JAM3: variants seen among roughly 807,000 people sequenced by gnomAD.
JAM3 encodes junctional adhesion molecule C.
Under a neutral mutation model 39.4 loss-of-function variants are expected in JAM3, and 31 were observed. That is an observed-to-expected ratio of 0.79 (90% CI 0.59 to 1.06). The LOEUF is 1.06. JAM3 is among the 50% of genes least tolerant of loss of function. JAM3 has a pLI of 0.00. For synonymous variants in JAM3, 182 were observed against 148.7 expected, an observed-to-expected ratio of 1.22 and a Z score of -1.63; for missense variants, 455 against 391.4, an observed-to-expected ratio of 1.16 and a Z score of -1.37.
intron 1 of JAM3, among the ~76,000 whole-genome samples, chr11:134,113,224 G>A (rs1375173671): frequency 6.7e-6 from 1 of 150,118 alleles, no homozygotes; most frequent in Non-Finnish European, 1.5e-5. Context: ...AATACTTTAA[G>A]GGTACATGTG....
intron 1 of JAM3, among the ~76,000 whole-genome samples, chr11:134,116,603 G>C (rs1942438280): frequency 6.6e-6 from 1 of 151,994 alleles, no homozygotes; most frequent in Non-Finnish European, 1.5e-5. Context: ...GGTGCTCCAG[G>C]CTTATCTTGT....
At position 134,129,396 on chromosome 11, in the gene JAM3, G is replaced by A. The variant is rs549964861; in HGVS notation, c.77-10455G>A. On this transcript the variant is annotated intron_variant, in intron 1 of 8. Coordinates refer to ENST00000299106, the MANE Select transcript of JAM3 (RefSeq NM_032801.5). ...CTCTGAAAGTGCTGGGATTACAGGCGTGAGCTACTGTGCCCAGCCTCTTTT... is the reference window on the plus strand; with the variant it reads ...CTCTGAAAGTGCTGGGATTACAGGCATGAGCTACTGTGCCCAGCCTCTTTT... Among the ~76,000 whole-genome samples the A allele has an allele frequency of 1.1e-4, 16 of 152,222 alleles. No homozygotes were observed. The South Asian group carries it at 2.5e-3, about 24-fold the overall frequency.
At chr11:134,096,970 G>C (rs1941995710) in intron 1 of JAM3, among the ~76,000 whole-genome samples, 1 of 152,122 alleles carries the variant, frequency 6.6e-6, no homozygotes, top group African/African-American at 2.4e-5. Context: ...GTGGCACTTT[G>C]TAGAACTGTT....
intron 4 of JAM3, 130 bp downstream of exon 4, chr11:134,144,523 A>G: frequency 2.6e-6 from 3 of 1,155,674 alleles, no homozygotes; most frequent in South Asian, 1.2e-5. Context: ...AGAACTGTTG[A>G]GAGCTGAGAC....
chr11:134,145,447 AC>A, intron 5 of JAM3: 1 of 323,068 alleles, frequency 3.1e-6, no homozygotes, highest in South Asian at 2.8e-5. Context: ...TTTCAAAATA[AC>A]CCAGTGGTGG....
At chr11:134,140,298 G>A (rs11223713) in intron 2 of JAM3, among the ~76,000 whole-genome samples, 3,428 of 152,134 alleles carry the variant, frequency 0.023, 67 homozygotes, top group Non-Finnish European at 0.031. Flanking sequence ...ATTTTTGTAC[G>A]GGGTTTTGCC....
chr11:134,121,509 T>C (rs1942531790), intron 1 of JAM3, among the ~76,000 whole-genome samples: 1 of 152,078 alleles, frequency 6.6e-6, no homozygotes, highest in Non-Finnish European at 1.5e-5. Context: ...ACATGTTTTG[T>C]TGTTCTTTAA....
intron 1 of JAM3, among the ~76,000 whole-genome samples, chr11:134,134,398 CAAAAAAAAAAA>C (rs34729848): frequency 8.8e-4 from 28 of 31,926 alleles, no homozygotes; most frequent in Non-Finnish European, 1.2e-3. Context: ...GGATAAATGC[CAAAAAAAAAAA>C]AAAAAAAAAA....
chr11:134,140,486 A>G (rs1460999922), intron 2 of JAM3, among the ~76,000 whole-genome samples, 171 bp from the exon 3 acceptor site: 1 of 152,070 alleles, frequency 6.6e-6, no homozygotes, highest in Non-Finnish European at 1.5e-5. Flanking sequence ...AATTATCTTT[A>G]TTGTTTTTCT....
intron 1 of JAM3, among the ~76,000 whole-genome samples, chr11:134,074,536 A>G (rs769179302): frequency 1.3e-5 from 2 of 152,162 alleles, no homozygotes; most frequent in Admixed American, 1.3e-4. Context: ...GACTCATTTG[A>G]GAGATTAGTT....
intron 1 of JAM3, among the ~76,000 whole-genome samples, chr11:134,119,192 C>G (rs1942490760): frequency 6.6e-6 from 1 of 152,094 alleles, no homozygotes; most frequent in African/African-American, 2.4e-5. Flanking sequence ...TCCCAAAGTG[C>G]TGGGATCACA....
intron 1 of JAM3, among the ~76,000 whole-genome samples, chr11:134,070,711 C>T (rs1052186036): frequency 2.6e-5 from 4 of 152,210 alleles, no homozygotes; most frequent in Admixed American, 6.5e-5. Context: ...TGAAAGTTTG[C>T]AGTTTTTGTT....
intron 1 of JAM3, among the ~76,000 whole-genome samples, chr11:134,081,612 G>T (rs1309634748): frequency 6.6e-6 from 1 of 152,228 alleles, no homozygotes; most frequent in African/African-American, 2.4e-5. Context: ...GATTTCAGAG[G>T]ATGTATGAAA....
chr11:134,078,109 C>T (rs2120581809), intron 1 of JAM3, among the ~76,000 whole-genome samples: 1 of 152,106 alleles, frequency 6.6e-6, no homozygotes, highest in East Asian at 1.9e-4. Context: ...AGTGTCCCCA[C>T]TGGAGTGTTT....
In JAM3 at chr11:134,149,901, G is replaced by T. The variant is rs908298172; in HGVS notation, c.*720G>T. ...GGTACTGAAATATGCTTTTCTATGG[G>T]TCTTGTTTATTTTATAAAATTTTAC... On this transcript the variant is annotated 3_prime_UTR_variant, in exon 9 of 9. Coordinates refer to ENST00000299106, the MANE Select transcript of JAM3 (RefSeq NM_032801.5). The T allele has an allele frequency of 8.2e-5, 15 of 182,908 alleles. No individual in the cohort carries two copies. The highest frequency in any genetic ancestry group is 4.2e-4 in the South Asian group (4 of 9,630). 11.3% of individuals were successfully genotyped at this position (182,908 alleles called of 1,614,324 possible).
chr11:134,126,646 G>C (rs1942653638), intron 1 of JAM3, among the ~76,000 whole-genome samples: 2 of 152,346 alleles, frequency 1.3e-5, no homozygotes, highest in South Asian at 4.1e-4. Flanking sequence ...GCTGAGGACT[G>C]TGAGTTGGAG....
At chr11:134,077,799 A>C (rs1445418426) in intron 1 of JAM3, among the ~76,000 whole-genome samples, 1 of 150,902 alleles carries the variant, frequency 6.6e-6, no homozygotes, top group Non-Finnish European at 1.5e-5. Flanking sequence ...GGTGCCCGCC[A>C]CCATGCCACG....
intron 6 of JAM3, 44 bp from the exon 7 acceptor site, chr11:134,148,503 A>G (rs773321334): frequency 2.7e-5 from 44 of 1,613,116 alleles, no homozygotes; most frequent in Non-Finnish European, 3.6e-5. Flanking sequence ...TTTAAATAAC[A>G]GATAGTGTGT....
intron 2 of JAM3, among the ~76,000 whole-genome samples, chr11:134,140,158 C>T (rs1180063308): frequency 1.3e-5 from 2 of 152,040 alleles, no homozygotes; most frequent in Non-Finnish European, 2.9e-5. Context: ...AAATAAATTT[C>T]TTTTTTCTTT....
Sources: allele counts gnomAD v4.1 joint callset (sites outside exome capture counted in the v4.1 genomes callset), GRCh38; gene constraint gnomAD v4.1.1; transcripts MANE v1.5; gene names NCBI Gene and HGNC (gene_info 2026-07-23, HGNC 2026-07-21).